Variants in GREP1 observed in about 807,000 individuals in gnomAD.
GREP1 encodes glycine-rich extracellular protein 1.
exon 17 of GREP1, chr16:2,995,757 A>G (rs1195696454): frequency 1.3e-5 from 5 of 398,576 alleles, no homozygotes; most frequent in African/African-American, 6.2e-5. Context: ...GGGAATGTGA[A>G]GCCTCTGAAG....
chr16:3,000,092 A>C lies in GREP1; in HGVS notation c.1238A>C (p.Asn413Thr), dbSNP rs2072451765. Residue 413 changes from asparagine (N) to threonine (T), a missense_variant, in exon 29 of 35, where the codon AAT (asparagine) becomes ACT (threonine). Asn to Thr is a moderately conservative substitution (Grantham distance 65, BLOSUM62 0). Coordinates refer to ENST00000573315, the Ensembl canonical transcript of GREP1. The stretch of plus-strand genomic sequence containing the variant: ...ACAGTTTTCTCTCCCCCAGGTTTTA[A>C]TGGTGGCCTCGAGCCACAGAAAATT... 3.5e-5 allele frequency: 14 copies of C among 398,882 alleles called. No individual in the cohort carries two copies. The East Asian group carries it at 5.0e-4, about 14-fold the overall frequency. 24.7% of individuals were successfully genotyped at this position (398,882 alleles called of 1,614,324 possible).
chr16:2,997,406 G>A (rs1268905922), exon 22 of GREP1: 1 of 398,724 alleles, frequency 2.5e-6, no homozygotes, highest in East Asian at 3.6e-5. Flanking sequence ...AGCCCAGAAT[G>A]GCTACAGAGC....
At chr16:2,998,498 C>G (rs368347661) in exon 25 of GREP1, 1 of 399,052 alleles carries the variant, frequency 2.5e-6, no homozygotes, top group Non-Finnish European at 4.4e-6. Context: ...CTCCAGGACA[C>G]GGCCATGAAA....
intron 7 of GREP1, 113 bp downstream of exon 6, chr16:2,990,700 A>G (rs1212077436): frequency 5.0e-6 from 2 of 397,226 alleles, no homozygotes; most frequent in Non-Finnish European, 8.9e-6. Context: ...GGTCTTCTCC[A>G]GGCTCCCAGG....
chr16:2,997,985 G>C (rs2072435424), intron 23 of GREP1, 150 bp downstream of exon 21: 2 of 395,344 alleles, frequency 5.1e-6, no homozygotes, highest in African/African-American at 2.1e-5. Context: ...AGCCAGGTGA[G>C]GGAGGTGGGT....
chr16:2,995,875 G>C, exon 18 of GREP1: 2 of 398,214 alleles, frequency 5.0e-6, no homozygotes, highest in Non-Finnish European at 8.8e-6. Context: ...AAAAGGCTGA[G>C]AGCAGGGGCC....
chr16:2,993,309 T>G, intron 10 of GREP1: 1 of 186,376 alleles, frequency 5.4e-6, no homozygotes, highest in East Asian at 1.3e-4. Context: ...CCCCAATCTC[T>G]AGCCTCCCAA....
exon 5 of GREP1, chr16:2,990,118 G>C: frequency 5.0e-6 from 2 of 399,310 alleles, no homozygotes; most frequent in Non-Finnish European, 8.8e-6. Flanking sequence ...TGGGAACCCA[G>C]CCAGGTGAGA....
exon 15 of GREP1, chr16:2,995,407 G>A (rs1051756320): frequency 7.5e-6 from 3 of 398,798 alleles, no homozygotes; most frequent in Non-Finnish European, 1.3e-5. Context: ...CCCAGGATTA[G>A]GGAATGGGAA....
rs916993554 is a variant in GREP1 at position 2,992,731 on chromosome 16, A to G, written c.323-74A>G. 22 of 398,804 alleles carry G rather than the reference A, an allele frequency of 5.5e-5. No homozygotes were observed. Among genetic ancestry groups the G allele is most frequent in the African/African-American group, 4.5e-4 (22 of 48,728 alleles). 24.7% of individuals were successfully genotyped at this position (398,804 alleles called of 1,614,324 possible). On this transcript the variant is annotated intron_variant, in intron 8 of 34. Transcript: ENST00000573315. This position sits in a 1 kb window ranked among gnomAD's most constrained non-coding sequence, Gnocchi z 4.9. The stretch of plus-strand genomic sequence containing the variant: ...CAGGGGTCACGCGAGACAGAAAGGG[A>G]GAGGGCAGGGCTCCAGGCCCCAGCT...
In GREP1 at chr16:2,999,479, CTTTT is replaced by C. The variant is rs35368761; in HGVS notation, c.1189+201_1189+204del. Among the ~76,000 whole-genome samples the C allele has an allele frequency of 1.1e-3, 80 of 75,534 alleles. 1 individual carries two copies. In the South Asian group the frequency reaches 0.012, roughly 11 times the overall value. The allele number at this position is 75,534 out of a possible 152,430, so 49.6% of individuals were successfully genotyped here. Reference sequence around the variant, plus strand: ...CCCTCCCCGAGTCTACCCTCTTGCTCTTTTTTTTTTTTTTTTTTTTTTTTTGAGA... The same window carrying C: ...CCCTCCCCGAGTCTACCCTCTTGCTCTTTTTTTTTTTTTTTTTTTTTGAGA... On this transcript the variant is annotated intron_variant, in intron 27 of 34. Transcript: ENST00000573315.
chr16:2,991,066 G>C lies in GREP1; in HGVS notation c.287G>C (p.Gly96Ala), dbSNP rs2072396661. 5.0e-6 allele frequency: 2 copies of C among 399,288 alleles called. No individual in the cohort carries two copies. The highest frequency in any genetic ancestry group is 4.4e-6 in the Non-Finnish European group (1 of 226,230). 24.7% of individuals were successfully genotyped at this position (399,288 alleles called of 1,614,324 possible). ...TCCCCAGGATATGGAAACGGGCTGG[G>C]AGCAGCGGCCTTCCCAGTGGCCGGA... The change falls in exon 8 of 35, where the codon GGA becomes GCA. Residue 96 changes from glycine (G) to alanine (A), a missense_variant. Physicochemically the swap from Gly to Ala is moderately conservative, Grantham distance 60 (BLOSUM62 0). Transcript: ENST00000573315. The surrounding 1 kb of genome is among the most constrained non-coding windows in gnomAD (Gnocchi z 4.9).
chr16:2,999,390 A>AC, intron 27 of GREP1: 1 of 380,560 alleles, frequency 2.6e-6, no homozygotes, highest in African/African-American at 2.2e-5. Flanking sequence ...GATCAGGGTC[A>AC]CCCCTCCATC....
In GREP1 at chr16:2,992,165, C is replaced by T. The variant is rs2072402634; in HGVS notation, c.323-640C>T. The T allele has an allele frequency of 6.6e-6, 1 of 152,464 alleles. No homozygotes were observed. The highest frequency in any genetic ancestry group is 1.5e-5 in the Non-Finnish European group (1 of 68,242). The allele number at this position is 152,464 out of a possible 1,614,324, so 9.4% of individuals were successfully genotyped here. On this transcript the variant is annotated intron_variant, in intron 8 of 34. Transcript: ENST00000573315. This position sits in a 1 kb window ranked among gnomAD's most constrained non-coding sequence, Gnocchi z 4.9. ...TGGGGCCTTCCTAGGAGCTGGAGCC[C>T]AGCCAGGTGAGGGCAGCTGGACCAC...
intron 7 of GREP1, 143 bp from the exon 7 acceptor site, chr16:2,990,905 G>A (rs2072395455): frequency 5.0e-6 from 2 of 398,334 alleles, no homozygotes; most frequent in Non-Finnish European, 8.8e-6. Flanking sequence ...CTCTTCCCAG[G>A]CTTTGGAGGG....
intron 34 of GREP1, 64 bp from the exon 29 acceptor site, chr16:3,001,497 G>A (rs1467551251): frequency 5.0e-6 from 2 of 398,976 alleles, no homozygotes; most frequent in African/African-American, 4.1e-5. Flanking sequence ...CCCTGGGAGG[G>A]GAGGAGGGGG....
chr16:2,991,059 G>C lies in GREP1; in HGVS notation c.280G>C (p.Gly94Arg), dbSNP rs374812467. The C allele has an allele frequency of 2.5e-5, 10 of 398,964 alleles. No individual in the cohort carries two copies. The highest frequency in any genetic ancestry group is 2.1e-4 in the East Asian group (6 of 28,064). 24.7% of individuals were successfully genotyped at this position (398,964 alleles called of 1,614,324 possible). A position where few individuals can be genotyped will look rare whatever the true frequency, so the allele number is the denominator to read the frequency against. Residue 94 changes from glycine (G) to arginine (R), a missense_variant, in exon 8 of 35, where the codon GGG becomes CGG. Physicochemically the swap from Gly to Arg is moderately radical, Grantham distance 125. Coordinates refer to ENST00000573315, the Ensembl canonical transcript of GREP1. The surrounding 1 kb of genome is among the most constrained non-coding windows in gnomAD (Gnocchi z 4.9). Reference sequence around the variant, plus strand: ...CTCTGTCTCCCCAGGATATGGAAACGGGCTGGGAGCAGCGGCCTTCCCAGT... The same window carrying C: ...CTCTGTCTCCCCAGGATATGGAAACCGGCTGGGAGCAGCGGCCTTCCCAGT...
rs554224288 is a variant in GREP1, at chr16:2,992,717, C to T, written c.323-88C>T. ...AGAAAGGCAGAGGGCAGGGGTCACG[C>T]GAGACAGAAAGGGAGAGGGCAGGGC... On this transcript the variant is annotated intron_variant, in intron 8 of 34. Transcript: ENST00000573315. This position sits in a 1 kb window ranked among gnomAD's most constrained non-coding sequence, Gnocchi z 4.9. 5.0e-6 allele frequency: 2 copies of T among 398,242 alleles called. No individual in the cohort carries two copies. The highest frequency in any genetic ancestry group is 8.9e-6 in the Non-Finnish European group (2 of 225,812). 24.7% of individuals were successfully genotyped at this position (398,242 alleles called of 1,614,324 possible).
intron 25 of GREP1, 26 bp downstream of exon 23, chr16:2,998,549 G>C: frequency 2.5e-6 from 1 of 399,172 alleles, no homozygotes; most frequent in Admixed American, 4.4e-5. Flanking sequence ...CCAGGGGTGG[G>C]GGCCCAGGAG....
Sources: gnomAD v4.1 joint callset for allele counts (sites outside exome capture counted in the v4.1 genomes callset) on GRCh38, gnomAD v4.1.1 for gene constraint, Gnocchi (gnomAD v3.1) non-coding constraint, MANE v1.5 for transcripts, NCBI Gene and HGNC (gene_info 2026-07-23, HGNC 2026-07-21) for gene names.